USP17L2: variants seen among roughly 807,000 people sequenced by gnomAD.
The protein encoded by USP17L2 is ubiquitin specific peptidase 17 like family member 2.
Under a neutral mutation model 39.8 loss-of-function variants are expected in USP17L2, and 29 were observed. That is an observed-to-expected ratio of 0.73 (90% CI 0.54 to 0.99). The LOEUF is 0.99. Among genes scored for constraint, USP17L2 ranks in the 50% least tolerant of loss-of-function variants. The pLI, the probability that USP17L2 is intolerant of heterozygous loss-of-function variation, is 0.00. For missense variants in USP17L2, 567 were observed against 647.2 expected (o/e 0.88, Z 1.35); for synonymous variants, 231 against 252.7 (o/e 0.91, Z 0.81).
chr8:12,138,205 G>A lies in USP17L2; in HGVS notation c.556C>T (p.His186Tyr), dbSNP rs1803337190. 3 of 1,191,062 alleles carry A rather than the reference G, an allele frequency of 2.5e-6. No individual in the cohort carries two copies. The highest frequency in any genetic ancestry group is 3.6e-6 in the Non-Finnish European group (3 of 840,002). 73.8% of individuals were successfully genotyped at this position (1,191,062 alleles called of 1,614,324 possible). The change falls in exon 1 of 1, where the codon CAC becomes TAC. Residue 186 changes from histidine to tyrosine, a missense_variant. Physicochemically the swap from His to Tyr is moderately conservative, Grantham distance 83. Transcript: ENST00000333796. ...CLPGHKQVDH[H>Y]SKDTTLIHQI... ...TGGATGAGGGTGGTGTCCTTAGAGT[G>A]ATGATCTACCTGCTTGTGGCCGGGA...
In USP17L2 at chr8:12,137,924, G is replaced by C. The variant is rs75180221; in HGVS notation, c.837C>G (p.Val279=). The change falls in exon 1 of 1, where the codon GTC becomes GTG. Residue 279 remains valine (V), a synonymous_variant. Transcript: ENST00000333796. ...LHTSAKVLIL[V]LKRFSDVTGN... is the part of the protein sequence containing the mutation. Reference sequence around the variant, plus strand: ...CTGTGACATCGGAGAATCTCTTCAAGACAAGGATGAGGACCTTGGCAGAAG... The same window carrying C: ...CTGTGACATCGGAGAATCTCTTCAACACAAGGATGAGGACCTTGGCAGAAG... The C allele has an allele frequency of 2.6e-6, 4 of 1,514,014 alleles. 1 individual carries two copies. Among genetic ancestry groups the C allele is most frequent in the Non-Finnish European group, 3.6e-6 (4 of 1,123,558 alleles). 93.8% of individuals were successfully genotyped at this position (1,514,014 alleles called of 1,614,324 possible). A position where few individuals can be genotyped will look rare whatever the true frequency, so the allele number is the denominator to read the frequency against.
At position 12,138,537 on chromosome 8, in the gene USP17L2, G is replaced by T. The variant is rs1416115357; in HGVS notation, c.224C>A (p.Pro75His). ...RKKLPLSSRR[P>H]AAVGAGLQNM... ...CTGGAGCCCAGCCCCCACCGCAGCA[G>T]GTCTCCTGCTACTCAGAGGAAGCTT... Residue 75 changes from proline (P) to histidine (H), a missense_variant, in exon 1 of 1, where the codon CCT becomes CAT. Coordinates refer to ENST00000333796, the MANE Select transcript of USP17L2 (RefSeq NM_201402.3). 6.5e-6 allele frequency: 10 copies of T among 1,534,442 alleles called. 2 individuals are homozygous for T. In the East Asian group the frequency reaches 2.6e-4, roughly 39 times the overall value.
chr8:12,137,079 G>T lies in USP17L2; in HGVS notation c.*89C>A, dbSNP rs1374480092. ...TGACGGTGTTCGTGTTTGTGTGTGT[G>T]TGTGTGTTTGCGTGCGCGCTTGTGG... is the stretch of plus-strand genomic sequence containing the variant. On this transcript the variant is annotated 3_prime_UTR_variant, in exon 1 of 1. Transcript: ENST00000333796. The T allele has an allele frequency of 2.2e-6, 3 of 1,364,372 alleles. No individual in the cohort carries two copies. The highest frequency in any genetic ancestry group is 1.3e-5 in the South Asian group (1 of 76,138). The allele number at this position is 1,364,372 out of a possible 1,614,324, so 84.5% of individuals were successfully genotyped here.
chr8:12,138,737 C>G lies in USP17L2; in HGVS notation c.24G>C (p.Leu8Phe), dbSNP rs1239450845. 7.9e-6 allele frequency: 11 copies of G among 1,398,194 alleles called. 2 individuals are homozygous for G. The highest frequency in any genetic ancestry group is 3.0e-5 in the African/African-American group (2 of 65,706). 86.6% of individuals were successfully genotyped at this position (1,398,194 alleles called of 1,614,324 possible). The part of the protein sequence containing the change: MEDDSLY[L>F]GGEWQFNHFS... ...AGTGGTTGAACTGCCACTCACCTCC[C>G]AAGTAGAGTGAGTCGTCCTCCATGT... Residue 8 changes from leucine (L) to phenylalanine (F), a missense_variant, in exon 1 of 1, where the codon TTG becomes TTC. Physicochemically the swap from Leu to Phe is conservative, Grantham distance 22. Around this residue, in one of 6 missense-constraint regions of USP17L2, gnomAD observed 120 missense variants for 111.0 expected, o/e 1.08. Coordinates refer to ENST00000333796, the MANE Select transcript of USP17L2 (RefSeq NM_201402.3).
At position 12,137,825 on chromosome 8, in the gene USP17L2, T is replaced by A; in HGVS notation, c.936A>T (p.Thr312=). The change falls in exon 1 of 1, where the codon ACA becomes ACT. Residue 312 remains threonine, a synonymous_variant. Coordinates refer to ENST00000333796, the MANE Select transcript of USP17L2 (RefSeq NM_201402.3). ...CATAGAGGACATAGACAAGAGGTCC[T>A]GTGTTCTGCTGAGACATGTATGGCT... ...DMQPYMSQQN[T]GPLVYVLYAV... is the part of the protein sequence containing the mutation. The A allele has an allele frequency of 1.4e-6, 2 of 1,474,664 alleles. No homozygotes were observed. The highest frequency in any genetic ancestry group is 1.2e-5 in the South Asian group (1 of 80,352). 91.3% of individuals were successfully genotyped at this position (1,474,664 alleles called of 1,614,324 possible). A position where few individuals can be genotyped will look rare whatever the true frequency, so the allele number is the denominator to read the frequency against.
In USP17L2 at chr8:12,138,700, T is replaced by A. The variant is rs1803378100; in HGVS notation, c.61A>T (p.Thr21Ser). ...AAAGCTGCATCTGGCCGAGAAGATG[T>A]GAGTTTTGAAAAGTGGTTGAACTGC... ...EWQFNHFSKL[T>S]SSRPDAAFAE... The change falls in exon 1 of 1, where the codon ACA becomes TCA. Residue 21 changes from threonine (T) to serine (S), a missense_variant. Thr to Ser is a moderately conservative substitution (Grantham distance 58, BLOSUM62 1). This residue lies in a region of USP17L2 where 120 missense variants were observed against 111.0 expected (regional missense o/e 1.08). Coordinates refer to ENST00000333796, the MANE Select transcript of USP17L2 (RefSeq NM_201402.3). 2.7e-6 allele frequency: 4 copies of A among 1,462,438 alleles called. 1 individual carries two copies. Among genetic ancestry groups the A allele is most frequent in the Non-Finnish European group, 3.7e-6 (4 of 1,073,762 alleles). The allele number at this position is 1,462,438 out of a possible 1,614,324, so 90.6% of individuals were successfully genotyped here. A position where few individuals can be genotyped will look rare whatever the true frequency, so the allele number is the denominator to read the frequency against.
chr8:12,138,422 G>A lies in USP17L2; in HGVS notation c.339C>T (p.His113=). 1 of 1,514,490 alleles carries A rather than the reference G, an allele frequency of 6.6e-7. No individual in the cohort carries two copies. The highest frequency in any genetic ancestry group is 2.6e-5 in the East Asian group (1 of 39,078). 93.8% of individuals were successfully genotyped at this position (1,514,490 alleles called of 1,614,324 possible). Residue 113 remains histidine, a synonymous_variant, in exon 1 of 1, where the codon CAC becomes CAT. Transcript: ENST00000333796. Reference sequence around the variant, plus strand: ...ACTTGGGACGCTGACATGTTTGAGAGTGCTCCCGGGACAGCATGTAGTTGG... The same window carrying A: ...ACTTGGGACGCTGACATGTTTGAGAATGCTCCCGGGACAGCATGTAGTTGG... ...PLANYMLSRE[H]SQTCQRPKCC...
At chr8:12,137,931 AT>A in the USP17L2 span, 1 of 1,530,554 alleles carries the variant, frequency 6.5e-7, no homozygotes, top group South Asian at 1.2e-5. Context: ...CAAGACAAGG[AT>A]GAGGACCTTG....
chr8:12,137,665 G>C lies in USP17L2; in HGVS notation c.1096C>G (p.Gln366Glu), dbSNP rs536115308. ...ACSITSVLSQQAYVLFYIQKS... is the reference protein window; with the variant it reads ...ACSITSVLSQEAYVLFYIQKS... ...TGGATGTAAAAGAGGACATAGGCCT[G>C]TTGACTCAGGACAGAAGTGATGCTA... The change falls in exon 1 of 1, where the codon CAG (glutamine) becomes GAG (glutamate). Residue 366 changes from glutamine to glutamate, a missense_variant. Physicochemically the swap from Gln to Glu is conservative, Grantham distance 29. This residue lies in a region of USP17L2 where 304 missense variants were observed against 254.7 expected (regional missense o/e 1.19). Transcript: ENST00000333796. 1.3e-6 allele frequency: 2 copies of C among 1,532,292 alleles called. No individual in the cohort carries two copies. Among genetic ancestry groups the C allele is most frequent in the Non-Finnish European group, 1.8e-6 (2 of 1,133,690 alleles). The allele number at this position is 1,532,292 out of a possible 1,614,324, so 94.9% of individuals were successfully genotyped here.
In USP17L2 at chr8:12,136,991, C is replaced by T. The variant is rs1388334640; in HGVS notation, c.*177G>A. Among the ~76,000 whole-genome samples the T allele has an allele frequency of 7.1e-6, 1 of 140,958 alleles. No homozygotes were observed. Among genetic ancestry groups the T allele is most frequent in the Non-Finnish European group, 1.5e-5 (1 of 64,982 alleles). The allele number at this position is 140,958 out of a possible 152,430, so 92.5% of individuals were successfully genotyped here. A position where few individuals can be genotyped will look rare whatever the true frequency, so the allele number is the denominator to read the frequency against. On this transcript the variant is annotated 3_prime_UTR_variant, in exon 1 of 1. Transcript: ENST00000333796. The stretch of plus-strand genomic sequence containing the variant: ...TGGGCTCATCCTGAGATGCAGCCAT[C>T]ACTATCCAGTTGTCCCTGTTGTAGA...
Position 12,137,413 on chromosome 8 carries a change from A to G in USP17L2, c.1348T>C (p.Phe450Leu), listed in dbSNP as rs749247596. The G allele has an allele frequency of 3.3e-6, 5 of 1,531,352 alleles. 1 individual carries two copies. In the South Asian group the frequency reaches 6.2e-5, roughly 19 times the overall value. 94.9% of individuals were successfully genotyped at this position (1,531,352 alleles called of 1,614,324 possible). A position where few individuals can be genotyped will look rare whatever the true frequency, so the allele number is the denominator to read the frequency against. Residue 450 changes from phenylalanine (F) to leucine (L), a missense_variant, in exon 1 of 1, where the codon TTC (phenylalanine) becomes CTC (leucine). By Grantham distance (22) the Phe-to-Leu change is conservative. Transcript: ENST00000333796. ...GTACCTTCGACTTTTCTGACGTTGA[A>G]CTCAGGCTTCGTTTTGTTTTGCTCT... is the stretch of plus-strand genomic sequence containing the variant. ...PQEQNKTKPE[F>L]NVRKVEGTLP...
chr8:12,137,204 G>A lies in USP17L2; in HGVS notation c.1557C>T (p.Asn519=), dbSNP rs781744008. 45 of 1,530,882 alleles carry A rather than the reference G, an allele frequency of 2.9e-5. 1 individual carries two copies. Among genetic ancestry groups the A allele is most frequent in the Non-Finnish European group, 3.5e-5 (40 of 1,135,346 alleles). The allele number at this position is 1,530,882 out of a possible 1,614,324, so 94.8% of individuals were successfully genotyped here. Residue 519 remains asparagine (N), a synonymous_variant, in exon 1 of 1, where the codon AAC becomes AAT. Coordinates refer to ENST00000333796, the MANE Select transcript of USP17L2 (RefSeq NM_201402.3). Reference sequence around the variant, plus strand: ...CAAGCAGAGCCCTCTTGCTGTGTTTGTTCTTCCCTTTGGATCTCCTGGTCC... The same window carrying A: ...CAAGCAGAGCCCTCTTGCTGTGTTTATTCTTCCCTTTGGATCTCCTGGTCC... ...QGRTRRSKGK[N]KHSKRALLVC...
In USP17L2 at chr8:12,137,550, G is replaced by A. The variant is rs372481779; in HGVS notation, c.1211C>T (p.Thr404Met). 6.1e-5 allele frequency: 94 copies of A among 1,532,804 alleles called. 11 individuals are homozygous for A. The highest frequency in any genetic ancestry group is 1.9e-4 in the Middle Eastern group (1 of 5,364). The allele number at this position is 1,532,804 out of a possible 1,614,324, so 95.0% of individuals were successfully genotyped here. ...GTGGTCTCTCTTGAGCTCTCCTTGC[G>A]TTGCTCGCCTGTCTGTGTCTTCAGC... ...LGAEDTDRRA[T>M]QGELKRDHPC... Residue 404 changes from threonine to methionine, a missense_variant, in exon 1 of 1, where the codon ACG becomes ATG. By Grantham distance (81) the Thr-to-Met change is moderately conservative. Around this residue, in one of 6 missense-constraint regions of USP17L2, gnomAD observed 304 missense variants for 254.7 expected, o/e 1.19. Transcript: ENST00000333796.
In USP17L2 at chr8:12,137,677, C is replaced by A; in HGVS notation, c.1084G>T (p.Val362Phe). ...AGGACATAGGCCTGTTGACTCAGGA[C>A]AGAAGTGATGCTACAGGCAGTGACC... is the stretch of plus-strand genomic sequence containing the variant. ...AKVTACSITS[V>F]LSQQAYVLFY... The change falls in exon 1 of 1, where the codon GTC (valine) becomes TTC (phenylalanine). Residue 362 changes from valine (V) to phenylalanine (F), a missense_variant. By Grantham distance (50) the Val-to-Phe change is conservative (BLOSUM62 -1). Coordinates refer to ENST00000333796, the MANE Select transcript of USP17L2 (RefSeq NM_201402.3). 6.5e-7 allele frequency: 1 copy of A among 1,533,342 alleles called. No homozygotes were observed. Among genetic ancestry groups the A allele is most frequent in the African/African-American group, 1.5e-5 (1 of 68,426 alleles). The allele number at this position is 1,533,342 out of a possible 1,614,324, so 95.0% of individuals were successfully genotyped here.
In USP17L2 at chr8:12,137,639, C is replaced by G. The variant is rs754584437; in HGVS notation, c.1122G>C (p.Gln374His). The G allele has an allele frequency of 1.0e-5, 16 of 1,524,916 alleles. 2 individuals are homozygous for G. The highest frequency in any genetic ancestry group is 7.8e-5 in the East Asian group (3 of 38,418). 94.5% of individuals were successfully genotyped at this position (1,524,916 alleles called of 1,614,324 possible). Residue 374 changes from glutamine (Q) to histidine (H), a missense_variant, in exon 1 of 1, where the codon CAG (glutamine) becomes CAC (histidine). By Grantham distance (24) the Gln-to-His change is conservative. This residue lies in a region of USP17L2 where 304 missense variants were observed against 254.7 expected (regional missense o/e 1.19). Coordinates refer to ENST00000333796, the MANE Select transcript of USP17L2 (RefSeq NM_201402.3). ...SQQAYVLFYIQKSEWERHSES... is the reference protein window; with the variant it reads ...SQQAYVLFYIHKSEWERHSES... ...CACTGTGTCTTTCCCATTCACTCTT[C>G]TGGATGTAAAAGAGGACATAGGCCT...
In USP17L2 at chr8:12,137,751, G is replaced by A; in HGVS notation, c.1010C>T (p.Ser337Phe). ...CTGGCCTTCTTGAGCTTTGACATAA[G>A]AGAAGTAATGTCCGTCGTGACAACT... ...GWSCHDGHYF[S>F]YVKAQEGQWY... The change falls in exon 1 of 1, where the codon TCT becomes TTT. Residue 337 changes from serine (S) to phenylalanine (F), a missense_variant. Ser to Phe is a radical substitution (Grantham distance 155, BLOSUM62 -2). Around this residue, in one of 6 missense-constraint regions of USP17L2, gnomAD observed 304 missense variants for 254.7 expected, o/e 1.19. Transcript: ENST00000333796. 2 of 1,516,524 alleles carry A rather than the reference G, an allele frequency of 1.3e-6. No individual in the cohort carries two copies. Among genetic ancestry groups the A allele is most frequent in the South Asian group, 1.2e-5 (1 of 80,782 alleles). 93.9% of individuals were successfully genotyped at this position (1,516,524 alleles called of 1,614,324 possible).
rs757231952 is a variant in USP17L2 at position 12,137,175 on chromosome 8, C to T, written c.1586G>A (p.Cys529Tyr). The change falls in exon 1 of 1, where the codon TGC becomes TAC. Residue 529 changes from cysteine (C) to tyrosine (Y), a missense_variant. Physicochemically the swap from Cys to Tyr is radical, Grantham distance 194 (BLOSUM62 -2). Transcript: ENST00000333796. ...NKHSKRALLV[C>Y]Q ...TCGGCACTTCCACTGAGATCACTGG[C>T]ACACAAGCAGAGCCCTCTTGCTGTG... The T allele has an allele frequency of 3.5e-5, 54 of 1,530,616 alleles. 6 individuals are homozygous for T. The Admixed American group carries it at 4.3e-4, about 12-fold the overall frequency. 94.8% of individuals were successfully genotyped at this position (1,530,616 alleles called of 1,614,324 possible).
Position 12,137,360 on chromosome 8 carries a change from A to C in USP17L2, c.1401T>G (p.His467Gln), listed in dbSNP as rs779428241. 2 of 1,531,310 alleles carry C rather than the reference A, an allele frequency of 1.3e-6. No homozygotes were observed. The highest frequency in any genetic ancestry group is 1.8e-6 in the Non-Finnish European group (2 of 1,135,082). The allele number at this position is 1,531,310 out of a possible 1,614,324, so 94.9% of individuals were successfully genotyped here. A position where few individuals can be genotyped will look rare whatever the true frequency, so the allele number is the denominator to read the frequency against. ...GTLPPNVLVIHQSKYKCGMKN... is the reference protein window; with the variant it reads ...GTLPPNVLVIQQSKYKCGMKN... Reference sequence around the variant, plus strand: ...TCATCCCACACTTGTATTTCGATTGATGAATCACAAGTACGTTGGGAGGCA... The same window carrying C: ...TCATCCCACACTTGTATTTCGATTGCTGAATCACAAGTACGTTGGGAGGCA... Residue 467 changes from histidine to glutamine, a missense_variant, in exon 1 of 1, where the codon CAT (histidine) becomes CAG (glutamine). Physicochemically the swap from His to Gln is conservative, Grantham distance 24 (BLOSUM62 0). Around this residue, in one of 6 missense-constraint regions of USP17L2, gnomAD observed 304 missense variants for 254.7 expected, o/e 1.19. Coordinates refer to ENST00000333796, the MANE Select transcript of USP17L2 (RefSeq NM_201402.3).
Position 12,137,117 on chromosome 8 carries a change from G to A in USP17L2, c.*51C>T, listed in dbSNP as rs576201574. ...TGCGCGCTTGTGGGTGTATTTGTGC[G>A]TGTGTGTGTGTGCGTTCACCCCTAC... is the stretch of plus-strand genomic sequence containing the variant. On this transcript the variant is annotated 3_prime_UTR_variant, in exon 1 of 1. Coordinates refer to ENST00000333796, the MANE Select transcript of USP17L2 (RefSeq NM_201402.3). 188 of 1,416,562 alleles carry A rather than the reference G, an allele frequency of 1.3e-4. 23 individuals carry two copies. The highest frequency in any genetic ancestry group is 5.2e-4 in the Middle Eastern group (2 of 3,848). 87.7% of individuals were successfully genotyped at this position (1,416,562 alleles called of 1,614,324 possible).
Sources: gnomAD v4.1 joint callset for allele counts (sites outside exome capture counted in the v4.1 genomes callset) on GRCh38, gnomAD v4.1.1 for gene constraint, gnomAD v4.1.1 regional missense constraint, MANE v1.5 for transcripts, NCBI Gene and HGNC (gene_info 2026-07-23, HGNC 2026-07-21) for gene names.